TTC28: variants seen among roughly 807,000 people sequenced by gnomAD.
TTC28 encodes the protein tetratricopeptide repeat domain 28, also known as tetratricopeptide repeat protein 28.
Under a neutral mutation model 198.0 loss-of-function variants are expected in TTC28, and 61 were observed. The observed-to-expected ratio is 0.31, with a 90% CI of 0.25 to 0.38. The LOEUF is 0.38. TTC28 is among the 10% of genes least tolerant of loss of function. The pLI, the probability that TTC28 is intolerant of heterozygous loss-of-function variation, is 1.00. For synonymous variants in TTC28, 1,171 were observed against 1,297.8 expected (o/e 0.90, Z 2.10); for missense variants, 2,678 against 3,164.0 (o/e 0.85, Z 3.69).
At chr22:28,369,683 A>G (rs987554033) in intron 2 of TTC28, among the ~76,000 whole-genome samples, 5 of 152,214 alleles carry the variant, frequency 3.3e-5, no homozygotes, top group African/African-American at 1.2e-4. Flanking sequence ...TTCCTTAAAT[A>G]TAATAAACGT....
intron 2 of TTC28, among the ~76,000 whole-genome samples, chr22:28,402,611 A>G (rs2046934082): frequency 6.6e-6 from 1 of 152,250 alleles, no homozygotes; most frequent in Non-Finnish European, 1.5e-5. Context: ...AGAACTGAGC[A>G]GCACATCTAT....
intron 12 of TTC28, among the ~76,000 whole-genome samples, chr22:28,093,864 A>G (rs1941890566): frequency 6.6e-6 from 1 of 152,222 alleles, no homozygotes; most frequent in Non-Finnish European, 1.5e-5. Context: ...GCCCTTCCCC[A>G]TCTGATGGAA....
chr22:28,538,938 CT>C (rs1569010696), intron 2 of TTC28, among the ~76,000 whole-genome samples: 1 of 151,880 alleles, frequency 6.6e-6, no homozygotes, highest in Non-Finnish European at 1.5e-5. Context: ...CTTGTGTGAA[CT>C]TTTTTTTGAC....
rs114593067 is a variant in TTC28 at position 28,439,751 on chromosome 22, T to C, written c.382-133108A>G. 1.4e-3 allele frequency among the ~76,000 whole-genome samples: 216 copies of C among 152,348 alleles called. 1 individual carries two copies. The highest frequency in any genetic ancestry group is 4.8e-3 in the African/African-American group (201 of 41,584). ...TTTGTATGATATTAAATGCCATTCT[T>C]ACCATGACAAGGTTGGGTTAACTGC... On this transcript the variant is annotated intron_variant, in intron 2 of 22. Coordinates refer to ENST00000397906, the MANE Select transcript of TTC28 (RefSeq NM_001145418.2).
At chr22:28,288,615 G>T (rs1163403289) in intron 5 of TTC28, among the ~76,000 whole-genome samples, 1 of 151,808 alleles carries the variant, frequency 6.6e-6, no homozygotes, top group Admixed American at 6.6e-5. Context: ...AGACCATCCT[G>T]GCTAACACGG....
At chr22:28,131,230 A>T (rs903226714) in intron 6 of TTC28, among the ~76,000 whole-genome samples, 1 of 151,668 alleles carries the variant, frequency 6.6e-6, no homozygotes, top group Non-Finnish European at 1.5e-5. Context: ...TTAAAAACAC[A>T]TTTTTTTTTC....
At chr22:28,461,818 A>C (rs2047954759) in intron 2 of TTC28, among the ~76,000 whole-genome samples, 1 of 152,096 alleles carries the variant, frequency 6.6e-6, no homozygotes, top group Non-Finnish European at 1.5e-5. Flanking sequence ...ACCTTACTCC[A>C]TACATTGTGC....
intron 6 of TTC28, among the ~76,000 whole-genome samples, chr22:28,111,419 G>A (rs1395699617): frequency 6.6e-6 from 1 of 152,094 alleles, no homozygotes. Context: ...AATTATTAGT[G>A]ACAGAAACGT....
At chr22:28,424,364 A>G (rs191601107) in intron 2 of TTC28, among the ~76,000 whole-genome samples, 2 of 152,268 alleles carry the variant, frequency 1.3e-5, no homozygotes, top group Admixed American at 1.3e-4. Flanking sequence ...TCCCTCAAGC[A>G]TGGGAAACCT....
chr22:28,062,892 T>C (rs1440950087), intron 12 of TTC28, among the ~76,000 whole-genome samples: 2 of 152,174 alleles, frequency 1.3e-5, no homozygotes, highest in Non-Finnish European at 2.9e-5. Flanking sequence ...ATCTGAGTCA[T>C]TCATAAATGG....
intron 3 of TTC28, among the ~76,000 whole-genome samples, chr22:28,305,010 A>G (rs1034655629): frequency 2.7e-5 from 4 of 149,128 alleles, no homozygotes; most frequent in Middle Eastern, 3.2e-3. Flanking sequence ...TTATTTTGAG[A>G]CGGAGTCTCA....
chr22:28,350,856 A>G (rs982938444), intron 2 of TTC28, among the ~76,000 whole-genome samples: 95 of 152,292 alleles, frequency 6.2e-4, no homozygotes, highest in African/African-American at 2.0e-3. Context: ...TTTACAGTAA[A>G]TAAAGTTTGA....
intron 2 of TTC28, among the ~76,000 whole-genome samples, chr22:28,357,317 T>TA (rs954218933): frequency 7.1e-6 from 1 of 140,320 alleles, no homozygotes; most frequent in East Asian, 2.0e-4. Flanking sequence ...AATTTCTTAT[T>TA]TTTTTTTTTT....
At chr22:28,623,984 A>T (rs1451919752) in intron 2 of TTC28, among the ~76,000 whole-genome samples, 1 of 152,160 alleles carries the variant, frequency 6.6e-6, no homozygotes, top group Non-Finnish European at 1.5e-5. Flanking sequence ...TTAAGAAATG[A>T]AAACAAAGAG....
At chr22:28,154,390 C>T (rs761374164) in intron 6 of TTC28, among the ~76,000 whole-genome samples, 4 of 141,654 alleles carry the variant, frequency 2.8e-5, no homozygotes, top group Non-Finnish European at 6.0e-5. Flanking sequence ...CTCACTCTGT[C>T]GCCCAGGCTG....
intron 3 of TTC28, chr22:28,303,632 T>TA (rs2045072217): frequency 6.6e-6 from 1 of 152,112 alleles, no homozygotes; most frequent in Admixed American, 6.6e-5. Context: ...TTAAAAGAAA[T>TA]AAAATCTTAA....
In TTC28 at chr22:28,160,921, G is replaced by A. The variant is rs1921099370; in HGVS notation, c.1441+2171C>T. ...CCAGGAAGAAAATCAGGACAGTGGT[G>A]TTTCACAGAAACCTAGAGAGAAGAG... On this transcript the variant is annotated intron_variant, in intron 6 of 22. Coordinates refer to ENST00000397906, the MANE Select transcript of TTC28 (RefSeq NM_001145418.2). 2.6e-5 allele frequency among the ~76,000 whole-genome samples: 4 copies of A among 152,174 alleles called. No individual in the cohort carries two copies. The South Asian group carries it at 8.3e-4, about 31-fold the overall frequency.
At chr22:28,633,140 C>T (rs1460660124) in intron 1 of TTC28, among the ~76,000 whole-genome samples, 1 of 151,440 alleles carries the variant, frequency 6.6e-6, no homozygotes. Flanking sequence ...ATTAGCCAGG[C>T]ATGGTGGCGG....
At chr22:28,215,609 GGTGTGTGTGTGTATGT>G (rs987216705) in intron 5 of TTC28, among the ~76,000 whole-genome samples, 1 of 151,854 alleles carries the variant, frequency 6.6e-6, no homozygotes, top group Admixed American at 6.6e-5. Flanking sequence ...ATGCACACAT[GGTGTGTGTGTGTATGT>G]GTGTGTGTGT....
Sources: gnomAD v4.1 joint callset for allele counts (sites outside exome capture counted in the v4.1 genomes callset) on GRCh38, gnomAD v4.1.1 for gene constraint, MANE v1.5 for transcripts, NCBI Gene and HGNC (gene_info 2026-07-23, HGNC 2026-07-21) for gene names.